The following SMARCB1 variants were observed in gnomAD, a reference collection of about 807,000 sequenced individuals.
SMARCB1 encodes the protein SWI/SNF related BAF chromatin remodeling complex subunit B1.
A neutral mutation model predicts 49.0 loss-of-function variants in SMARCB1; 5 were observed. That is an observed-to-expected ratio of 0.10 (90% CI 0.05 to 0.21). The LOEUF is 0.21. SMARCB1 is among the 10% of genes least tolerant of loss of function. The pLI, the probability that SMARCB1 is intolerant of heterozygous loss-of-function variation, is 1.00. For missense variants in SMARCB1, 226 were observed against 509.2 expected, an observed-to-expected ratio of 0.44 and a Z score of 5.35; for synonymous variants, 201 against 200.1, an observed-to-expected ratio of 1.00 and a Z score of -0.04.
intron 5 of SMARCB1, among the ~76,000 whole-genome samples, chr22:23,805,597 C>G (rs36091464): frequency 1.6e-4 from 24 of 152,310 alleles, no homozygotes; most frequent in Middle Eastern, 3.4e-3. Flanking sequence ...CTTCCGCCTC[C>G]CAGGTTCAAG....
chr22:23,798,999 C>G (rs1928950024), intron 3 of SMARCB1, among the ~76,000 whole-genome samples: 1 of 149,278 alleles, frequency 6.7e-6, no homozygotes, highest in Non-Finnish European at 1.5e-5. Context: ...GCATTGAGCC[C>G]AGATGGCGCC....
At chr22:23,812,957 T>G (rs1366149411) in intron 5 of SMARCB1, among the ~76,000 whole-genome samples, 3 of 151,358 alleles carry the variant, frequency 2.0e-5, no homozygotes, top group Non-Finnish European at 4.4e-5. Context: ...CTCTGCCTCC[T>G]GGATTCACAC....
At position 23,787,010 on chromosome 22, in the gene SMARCB1, G is replaced by A; in HGVS notation, c.-160G>A. On this transcript the variant is annotated 5_prime_UTR_variant, in exon 1 of 9. Coordinates refer to ENST00000644036, the MANE Select transcript of SMARCB1 (RefSeq NM_003073.5). ...GGGCGGCCTGGTCGTCGTCTGCGGC[G>A]GCGGCGGCGGCTGAGGAGCCCGGCT... 4.0e-6 allele frequency: 2 copies of A among 502,628 alleles called. No homozygotes were observed. Among genetic ancestry groups the A allele is most frequent in the South Asian group, 5.3e-5 (2 of 37,658 alleles). The allele number at this position is 502,628 out of a possible 1,614,324, so 31.1% of individuals were successfully genotyped here. A position where few individuals can be genotyped will look rare whatever the true frequency, so the allele number is the denominator to read the frequency against.
At chr22:23,792,864 C>T (rs1248721785) in intron 2 of SMARCB1, 1 of 159,396 alleles carries the variant, frequency 6.3e-6, no homozygotes, top group Non-Finnish European at 1.4e-5. Flanking sequence ...TCCGCAAGTC[C>T]CTGGGCTAAG....
At chr22:23,803,793 G>T in intron 5 of SMARCB1, 2 of 364,148 alleles carry the variant, frequency 5.5e-6, no homozygotes, top group South Asian at 2.3e-5. Flanking sequence ...GCTGTGTGAG[G>T]CTGCATGTGT....
chr22:23,787,284 C>T (rs765466117), intron 1 of SMARCB1, 22 bp downstream of exon 1: 24 of 1,484,504 alleles, frequency 1.6e-5, no homozygotes, highest in Admixed American at 8.7e-5. Context: ...CGCGTTCTCG[C>T]CCTCCCCGGG....
At chr22:23,818,373 T>C (rs1358295556) in intron 6 of SMARCB1, 3 of 150,698 alleles carry the variant, frequency 2.0e-5, no homozygotes, top group Non-Finnish European at 3.0e-5. Context: ...GCCAGGATGG[T>C]CTCGATCTCT....
At chr22:23,787,972 G>A (rs934477844) in intron 1 of SMARCB1, among the ~76,000 whole-genome samples, 2 of 152,190 alleles carry the variant, frequency 1.3e-5, no homozygotes, top group African/African-American at 2.4e-5. Flanking sequence ...TGCATCAACT[G>A]GATGACTGAC....
intron 1 of SMARCB1, among the ~76,000 whole-genome samples, chr22:23,790,196 TA>T (rs1335862775): frequency 6.6e-6 from 1 of 151,904 alleles, no homozygotes; most frequent in Non-Finnish European, 1.5e-5. Flanking sequence ...AAGGTAGTCA[TA>T]GGGGGGAGTA....
intron 5 of SMARCB1, among the ~76,000 whole-genome samples, chr22:23,809,595 T>C (rs1250387634): frequency 6.6e-6 from 1 of 151,618 alleles, no homozygotes; most frequent in Non-Finnish European, 1.5e-5. Context: ...TATTTTTTAG[T>C]AGAGACGGGG....
rs367888538 is a variant in SMARCB1 at position 23,803,847 on chromosome 22, C to T, written c.628+425C>T. The T allele has an allele frequency of 5.5e-4, 164 of 299,746 alleles. 4 individuals carry two copies. The highest frequency in any genetic ancestry group is 4.3e-3 in the South Asian group (134 of 30,974). The allele number at this position is 299,746 out of a possible 1,614,324, so 18.6% of individuals were successfully genotyped here. ...CCTCTAACTGGTCATCTCTAGACAT[C>T]CTCACTCTGTAAGTCCTGGGTCAGA... On this transcript the variant is annotated intron_variant, in intron 5 of 8. Coordinates refer to ENST00000644036, the MANE Select transcript of SMARCB1 (RefSeq NM_003073.5).
chr22:23,824,822 C>T (rs1002071087), intron 6 of SMARCB1: 34 of 299,314 alleles, frequency 1.1e-4, no homozygotes, highest in South Asian at 1.1e-3. Context: ...GACATTGGCT[C>T]AAGACAGGGC....
At chr22:23,790,371 G>A (rs1009672155) in intron 1 of SMARCB1, among the ~76,000 whole-genome samples, 10 of 152,128 alleles carry the variant, frequency 6.6e-5, no homozygotes, top group Non-Finnish European at 1.0e-4. Context: ...AGCCCTGGTT[G>A]TTGATTACAG....
chr22:23,825,219 CCT>C lies in SMARCB1; in HGVS notation c.796-4_796-3del, dbSNP rs772576999. ...TCTAACTTGTGTCCTTTGGTTGTTG[CCT>C]CAGCTGAACATCCATGTGGGAAACA... On this transcript the variant is annotated splice_polypyrimidine_tract_variant and splice_region_variant and intron_variant, in intron 6 of 8. Coordinates refer to ENST00000644036, the MANE Select transcript of SMARCB1 (RefSeq NM_003073.5). The C allele has an allele frequency of 1.8e-5, 29 of 1,613,174 alleles. No homozygotes were observed. The highest frequency in any genetic ancestry group is 2.3e-5 in the Non-Finnish European group (27 of 1,179,178).
chr22:23,812,618 T>G (rs1714339875), intron 5 of SMARCB1, among the ~76,000 whole-genome samples: 1 of 152,196 alleles, frequency 6.6e-6, no homozygotes, highest in South Asian at 2.1e-4. Context: ...ATAGAAATAA[T>G]TATATACTGT....
chr22:23,833,102 G>A (rs896517327), intron 7 of SMARCB1, among the ~76,000 whole-genome samples: 3 of 152,190 alleles, frequency 2.0e-5, no homozygotes, highest in Admixed American at 6.5e-5. Flanking sequence ...GGGGGGCTGG[G>A]GACTTCTGGG....
At chr22:23,787,399 T>A (rs990147631) in intron 1 of SMARCB1, 137 bp downstream of exon 1, 9 of 458,144 alleles carry the variant, frequency 2.0e-5, no homozygotes, top group Non-Finnish European at 3.1e-5. Flanking sequence ...CTGTGGGGCG[T>A]GGCCTAGTGG....
At chr22:23,827,589 T>G (rs1033820902) in intron 7 of SMARCB1, among the ~76,000 whole-genome samples, 1 of 152,222 alleles carries the variant, frequency 6.6e-6, no homozygotes, top group Admixed American at 6.5e-5. Context: ...ATGCTGAGAA[T>G]GCAGGTTTCA....
rs58056758 is a variant in SMARCB1 at position 23,822,957 on chromosome 22, C to CTTTTTTT, written c.796-2233_796-2227dup. ...TCTGTCAGTGCCCCCACCAGCATAG[C>CTTTTTTT]TTTTTTTTTTTTTTTTTTTTTTTTT... On this transcript the variant is annotated intron_variant, in intron 6 of 8. Transcript: ENST00000644036. Among the ~76,000 whole-genome samples the CTTTTTTT allele has an allele frequency of 3.0e-4, 22 of 72,762 alleles. 6 individuals are homozygous for CTTTTTTT. The highest frequency in any genetic ancestry group is 9.4e-4 in the South Asian group (2 of 2,130). The allele number at this position is 72,762 out of a possible 152,430, so 47.7% of individuals were successfully genotyped here. A position where few individuals can be genotyped will look rare whatever the true frequency, so the allele number is the denominator to read the frequency against.
Sources: allele counts gnomAD v4.1 joint callset (sites outside exome capture counted in the v4.1 genomes callset), GRCh38; gene constraint gnomAD v4.1.1; transcripts MANE v1.5; gene names NCBI Gene and HGNC (gene_info 2026-07-23, HGNC 2026-07-21).